QRICH1: variants seen among roughly 807,000 people sequenced by gnomAD.
QRICH1 encodes transcriptional regulator QRICH1.
QRICH1 carries 16 observed loss-of-function variants against 87.1 expected under a neutral mutation model. The ratio of observed to expected loss-of-function variants is 0.18; its 90% CI spans 0.12 to 0.28. The LOEUF (loss-of-function observed/expected upper bound fraction) is 0.28. Among genes scored for constraint, QRICH1 ranks in the 10% least tolerant of loss-of-function variants. The probability of loss-of-function intolerance (pLI) is 1.00; values close to 1 mark genes in which losing one functional copy is unlikely to be tolerated. For synonymous variants in QRICH1, 367 were observed against 368.4 expected (o/e 1.00, Z 0.05); for missense variants, 647 against 951.7 (o/e 0.68, Z 4.21).
intron 6 of QRICH1, among the ~76,000 whole-genome samples, chr3:49,041,903 TCTGGGATTAC>T (rs1294288305): frequency 6.6e-6 from 1 of 151,500 alleles, no homozygotes; most frequent in Non-Finnish European, 1.5e-5. Flanking sequence ...TCTGGGATTA[TCTGGGATTAC>T]AGGTGTGAAC....
intron 1 of QRICH1, among the ~76,000 whole-genome samples, chr3:49,084,933 G>C (rs903564891): frequency 6.6e-6 from 1 of 152,144 alleles, no homozygotes. Flanking sequence ...ACCAGATCAG[G>C]AGATCGAGAC....
intron 8 of QRICH1, 115 bp from the exon 9 acceptor site, chr3:49,032,388 GA>G: frequency 1.2e-6 from 1 of 821,336 alleles, no homozygotes; most frequent in Non-Finnish European, 2.0e-6. Context: ...AGGGTCGGGG[GA>G]GGGAAGGTAT....
At chr3:49,085,437 T>C (rs183113494) in intron 1 of QRICH1, among the ~76,000 whole-genome samples, 1 of 151,964 alleles carries the variant, frequency 6.6e-6, no homozygotes, top group East Asian at 1.9e-4. Flanking sequence ...TTGATCATAG[T>C]ACGATTTTCT....
intron 1 of QRICH1, among the ~76,000 whole-genome samples, chr3:49,083,761 C>G (rs893264930): frequency 6.6e-6 from 1 of 151,494 alleles, no homozygotes; most frequent in Admixed American, 6.6e-5. Context: ...GAGTGAGACT[C>G]CATCTCAAAA....
At chr3:49,051,595 C>CT (rs1491401292) in intron 3 of QRICH1, among the ~76,000 whole-genome samples, 2 of 138,738 alleles carry the variant, frequency 1.4e-5, no homozygotes, top group African/African-American at 5.6e-5. Flanking sequence ...CCCCCCCCCC[C>CT]CTCCGCTTAA....
At chr3:49,061,442 G>T (rs928798774) in intron 2 of QRICH1, among the ~76,000 whole-genome samples, 1 of 152,068 alleles carries the variant, frequency 6.6e-6, no homozygotes, top group Non-Finnish European at 1.5e-5. Flanking sequence ...GCATGCAAAA[G>T]AGCATGAAAA....
At chr3:49,040,383 G>A (rs1411141372) in intron 6 of QRICH1, among the ~76,000 whole-genome samples, 1 of 152,192 alleles carries the variant, frequency 6.6e-6, no homozygotes, top group African/African-American at 2.4e-5. Context: ...AGAGGTGGGA[G>A]GATAGCTGGA....
At chr3:49,069,566 G>A (rs1467580863) in intron 2 of QRICH1, among the ~76,000 whole-genome samples, 4 of 27,676 alleles carry the variant, frequency 1.4e-4, no homozygotes, top group Non-Finnish European at 2.1e-4. Context: ...TTTTTTTTTT[G>A]AGATAAAGTA....
intron 3 of QRICH1, among the ~76,000 whole-genome samples, chr3:49,053,404 G>A (rs2093382895): frequency 6.8e-6 from 1 of 146,862 alleles, no homozygotes; most frequent in Non-Finnish European, 1.5e-5. Flanking sequence ...AAAATGGTGT[G>A]AACTCGGGAG....
At chr3:49,089,217 G>A (rs2107051016) in intron 1 of QRICH1, among the ~76,000 whole-genome samples, 1 of 151,836 alleles carries the variant, frequency 6.6e-6, no homozygotes, top group East Asian at 1.9e-4. Flanking sequence ...CCATCACCAT[G>A]CCCTGCTAAT....
At chr3:49,058,538 C>A (rs1399145258) in intron 2 of QRICH1, among the ~76,000 whole-genome samples, 5 of 152,144 alleles carry the variant, frequency 3.3e-5, no homozygotes, top group African/African-American at 1.2e-4. Context: ...GTTGGCCAAG[C>A]TAATCTTGAA....
chr3:49,048,257 CA>C (rs2106869691), intron 3 of QRICH1, among the ~76,000 whole-genome samples: 1 of 151,616 alleles, frequency 6.6e-6, no homozygotes, highest in Admixed American at 6.6e-5. Context: ...CTCAGCCTCC[CA>C]AGTAGCTAGG....
At chr3:49,043,113 T>G (rs1442042488) in intron 6 of QRICH1, among the ~76,000 whole-genome samples, 2 of 152,080 alleles carry the variant, frequency 1.3e-5, no homozygotes, top group Non-Finnish European at 2.9e-5. Context: ...TAGGAGAAAC[T>G]GTGTGTGAGG....
intron 9 of QRICH1, 152 bp downstream of exon 9, chr3:49,032,031 G>A: frequency 3.0e-6 from 2 of 664,202 alleles, no homozygotes; most frequent in Non-Finnish European, 5.2e-6. Flanking sequence ...CCAGAGCAAG[G>A]CTGCTTCTAA....
intron 6 of QRICH1, 112 bp from the exon 7 acceptor site, chr3:49,033,340 G>T: frequency 1.8e-6 from 1 of 570,358 alleles, no homozygotes. Context: ...TTTCATCAGG[G>T]GACTCTCCCT....
intron 2 of QRICH1, among the ~76,000 whole-genome samples, chr3:49,066,198 G>A (rs1448789517): frequency 1.3e-5 from 2 of 151,922 alleles, no homozygotes; most frequent in Admixed American, 6.6e-5. Context: ...TGAGGTGGGA[G>A]AACTACTTGA....
chr3:49,061,274 C>T (rs748129157), intron 2 of QRICH1, among the ~76,000 whole-genome samples: 8 of 150,576 alleles, frequency 5.3e-5, no homozygotes, highest in Non-Finnish European at 1.0e-4. Context: ...GTGCAAAAAA[C>T]GTTGGGGACC....
In QRICH1 at chr3:49,057,236, G is replaced by T. The variant is rs762092039; in HGVS notation, c.964C>A (p.Pro322Thr). Reference sequence around the variant, plus strand: ...ATGTGGGTAATGCTCTGCTGCTGAGGGTCCCCCCGGGGCTGGGCAGAATAA... The same window carrying T: ...ATGTGGGTAATGCTCTGCTGCTGAGTGTCCCCCCGGGGCTGGGCAGAATAA... ...PVYSAQPRGD[P>T]QQQSITHIAI... Residue 322 changes from proline to threonine, a missense_variant, in exon 3 of 10, where the codon CCT (proline) becomes ACT (threonine). This residue lies in a region of QRICH1 where 75 missense variants were observed against 141.0 expected (regional missense o/e 0.53). Transcript: ENST00000395443. The surrounding 1 kb of genome is among the most constrained non-coding windows in gnomAD (Gnocchi z 5.4). 22 of 1,614,182 alleles carry T rather than the reference G, an allele frequency of 1.4e-5. No homozygotes were observed. In the East Asian group the frequency reaches 4.9e-4, roughly 36 times the overall value.
At chr3:49,086,302 G>A (rs1305266577) in intron 1 of QRICH1, among the ~76,000 whole-genome samples, 1 of 150,600 alleles carries the variant, frequency 6.6e-6, no homozygotes, top group Admixed American at 6.6e-5. Flanking sequence ...TGTCGCCCAG[G>A]CTGGAGTGCA....
Sources: gnomAD v4.1 joint callset for allele counts (sites outside exome capture counted in the v4.1 genomes callset) on GRCh38, gnomAD v4.1.1 for gene constraint, gnomAD v4.1.1 regional missense constraint, Gnocchi (gnomAD v3.1) non-coding constraint, MANE v1.5 for transcripts, NCBI Gene and HGNC (gene_info 2026-07-23, HGNC 2026-07-21) for gene names.